ATP8B4: variants seen among roughly 807,000 people sequenced by gnomAD.
ATP8B4 encodes probable phospholipid-transporting ATPase IM.
In ATP8B4, 133 loss-of-function variants were observed where a neutral mutation model predicts 145.6. The ratio of observed to expected loss-of-function variants is 0.91; its 90% CI spans 0.79 to 1.05. ATP8B4 has a LOEUF of 1.05. Ranked by LOEUF, ATP8B4 falls within the 50% of genes least tolerant of loss-of-function variation. The pLI, the probability that ATP8B4 is intolerant of heterozygous loss-of-function variation, is 0.00. For synonymous variants in ATP8B4, 507 were observed against 492.9 expected (o/e 1.03, Z -0.38); for missense variants, 1,458 against 1,425.2 (o/e 1.02, Z -0.37).
intron 1 of ATP8B4, among the ~76,000 whole-genome samples, chr15:50,139,133 C>T (rs965202870): frequency 6.6e-6 from 1 of 152,164 alleles, no homozygotes; most frequent in African/African-American, 2.4e-5. Context: ...AAGACACATG[C>T]ACACGTATGT....
At position 50,002,145 on chromosome 15, in the gene ATP8B4, T is replaced by A. The variant is rs781670982; in HGVS notation, c.506+8A>T. Reference sequence around the variant, plus strand: ...ACCAACCAAATTATTCTAATTTTAATAACTTACCCATCAAGCTCAGCAGTT... The same window carrying A: ...ACCAACCAAATTATTCTAATTTTAAAAACTTACCCATCAAGCTCAGCAGTT... On this transcript the variant is annotated splice_region_variant and intron_variant, in intron 8 of 27. Coordinates refer to ENST00000284509, the MANE Select transcript of ATP8B4 (RefSeq NM_024837.4). The A allele has an allele frequency of 2.5e-6, 4 of 1,595,480 alleles. No homozygotes were observed. Among genetic ancestry groups the A allele is most frequent in the Admixed American group, 3.4e-5 (2 of 59,392 alleles).
intron 1 of ATP8B4, among the ~76,000 whole-genome samples, chr15:50,164,415 A>G (rs1191285961): frequency 2.6e-5 from 4 of 152,288 alleles, no homozygotes; most frequent in African/African-American, 9.6e-5. Flanking sequence ...GAGCATGTCT[A>G]GAAGTGTCAT....
chr15:49,916,880 T>C (rs2039790551), intron 20 of ATP8B4, 54 bp downstream of exon 20: 1 of 1,515,218 alleles, frequency 6.6e-7, no homozygotes, highest in African/African-American at 1.4e-5. Flanking sequence ...TCTGATCTTT[T>C]TTCCCTCCCT....
At chr15:49,959,453 TAA>T (rs1248244123) in intron 14 of ATP8B4, among the ~76,000 whole-genome samples, 1 of 152,038 alleles carries the variant, frequency 6.6e-6, no homozygotes, top group Non-Finnish European at 1.5e-5. Flanking sequence ...TGTATTATTC[TAA>T]GAGTACTAAC....
chr15:50,042,148 C>G (rs2051337921), intron 5 of ATP8B4, among the ~76,000 whole-genome samples: 1 of 136,790 alleles, frequency 7.3e-6, no homozygotes, highest in Admixed American at 7.2e-5. Context: ...GAGTGAGACT[C>G]TGTCTTAAAA....
Position 50,114,103 on chromosome 15 carries a change from C to CTTTTTTTTTTTTTTTTTTTTTTTTTTT in ATP8B4, c.-43+5019_-43+5020insAAAAAAAAAAAAAAAAAAAAAAAAAAA, listed in dbSNP as rs755159123. 2.5e-4 allele frequency among the ~76,000 whole-genome samples: 14 copies of CTTTTTTTTTTTTTTTTTTTTTTTTTTT among 55,644 alleles called. 2 individuals carry two copies. Among genetic ancestry groups the CTTTTTTTTTTTTTTTTTTTTTTTTTTT allele is most frequent in the Admixed American group, 6.8e-4 (2 of 2,956 alleles). The allele number at this position is 55,644 out of a possible 152,430, so 36.5% of individuals were successfully genotyped here. A position where few individuals can be genotyped will look rare whatever the true frequency, so the allele number is the denominator to read the frequency against. ...ATTTTCCTTCTTGGTCTCCTAGTTTCTTTTTTTTTTTTTTTTTTTTTTTTT... is the reference window on the plus strand; with the variant it reads ...ATTTTCCTTCTTGGTCTCCTAGTTTCTTTTTTTTTTTTTTTTTTTTTTTTTTTTTTTTTTTTTTTTTTTTTTTTTTTT... On this transcript the variant is annotated intron_variant, in intron 1 of 27. Coordinates refer to ENST00000284509, the MANE Select transcript of ATP8B4 (RefSeq NM_024837.4).
rs549797669 is a variant in ATP8B4, at chr15:49,979,574, T to C, written c.1034+43A>G. On this transcript the variant is annotated intron_variant, in intron 12 of 27. Transcript: ENST00000284509. The stretch of plus-strand genomic sequence containing the variant: ...AAACAAATAATATTGGAAACAAAGG[T>C]TTTGATGAAATTATTTCATTAAAAT... 3 of 1,355,554 alleles carry C rather than the reference T, an allele frequency of 2.2e-6. 1 individual carries two copies. The highest frequency in any genetic ancestry group is 2.9e-6 in the Non-Finnish European group (3 of 1,019,982). 84.0% of individuals were successfully genotyped at this position (1,355,554 alleles called of 1,614,324 possible).
At chr15:50,072,982 A>C (rs1251326112) in intron 3 of ATP8B4, among the ~76,000 whole-genome samples, 290 of 16,874 alleles carry the variant, frequency 0.017, no homozygotes, top group East Asian at 0.026. Context: ...CTCTCTCTCT[A>C]TATATATATA....
At chr15:50,023,248 C>T (rs1264443288) in intron 6 of ATP8B4, among the ~76,000 whole-genome samples, 2 of 152,142 alleles carry the variant, frequency 1.3e-5, no homozygotes, top group African/African-American at 4.8e-5. Flanking sequence ...CTTCTCTCTT[C>T]TGAATTCCTT....
chr15:50,176,357 G>A (rs2044762829), intron 1 of ATP8B4, among the ~76,000 whole-genome samples: 1 of 151,984 alleles, frequency 6.6e-6, no homozygotes, highest in South Asian at 2.1e-4. Flanking sequence ...AATGGACTTT[G>A]GGGACTTGGG....
At chr15:50,003,823 G>A (rs890711055) in intron 7 of ATP8B4, among the ~76,000 whole-genome samples, 3 of 152,120 alleles carry the variant, frequency 2.0e-5, no homozygotes, top group African/African-American at 7.2e-5. Flanking sequence ...AAGACTGGGT[G>A]GGGCTGCACT....
At chr15:50,029,251 A>AAAAAAAAAAC (rs1555461406) in intron 6 of ATP8B4, among the ~76,000 whole-genome samples, 1 of 150,988 alleles carries the variant, frequency 6.6e-6, no homozygotes, top group East Asian at 1.9e-4. Flanking sequence ...AAAAAAAAAA[A>AAAAAAAAAAC]AAAAAACAGA....
chr15:50,051,327 A>C (rs2052171033), intron 3 of ATP8B4, among the ~76,000 whole-genome samples: 1 of 152,186 alleles, frequency 6.6e-6, no homozygotes, highest in Non-Finnish European at 1.5e-5. Context: ...GAATTAATTA[A>C]ACCTCTTTTC....
intron 3 of ATP8B4, among the ~76,000 whole-genome samples, chr15:50,070,762 A>G (rs1476592021): frequency 6.6e-6 from 1 of 152,008 alleles, no homozygotes; most frequent in Non-Finnish European, 1.5e-5. Context: ...GTTTTTTGAC[A>G]TGGAGTCTCA....
At chr15:49,932,475 C>G (rs867805256) in intron 15 of ATP8B4, among the ~76,000 whole-genome samples, 1 of 151,982 alleles carries the variant, frequency 6.6e-6, no homozygotes, top group African/African-American at 2.4e-5. Context: ...GATCTACCCA[C>G]GAAATAACAT....
chr15:49,863,517 A>AC (rs2153372871), intron 26 of ATP8B4, among the ~76,000 whole-genome samples: 1 of 152,120 alleles, frequency 6.6e-6, no homozygotes, highest in East Asian at 1.9e-4. Flanking sequence ...TTATCATCAT[A>AC]CCCCCAGTTA....
intron 7 of ATP8B4, among the ~76,000 whole-genome samples, chr15:50,006,840 C>T (rs1360479832): frequency 6.6e-6 from 1 of 152,162 alleles, no homozygotes; most frequent in Admixed American, 6.6e-5. Context: ...AAAAGTGAAA[C>T]AACACAAGAG....
intron 13 of ATP8B4, among the ~76,000 whole-genome samples, chr15:49,964,344 A>C (rs892089525): frequency 6.6e-6 from 1 of 152,124 alleles, no homozygotes; most frequent in Admixed American, 6.5e-5. Context: ...GAAAAAAAAA[A>C]CTGTGTCTTT....
In ATP8B4 at chr15:49,865,625, T is replaced by C. The variant is rs114814781; in HGVS notation, c.3166+721A>G. Among the ~76,000 whole-genome samples the C allele has an allele frequency of 7.3e-3, 1,109 of 152,284 alleles. 11 individuals carry two copies. Among genetic ancestry groups the C allele is most frequent in the African/African-American group, 0.026 (1,063 of 41,562 alleles). On this transcript the variant is annotated intron_variant, in intron 26 of 27. Transcript: ENST00000284509. Reference sequence around the variant, plus strand: ...TGAATTGGAGAACATCCAGCTGGGGTCCTCTGCAGAAACACCTCATTGGTT... The same window carrying C: ...TGAATTGGAGAACATCCAGCTGGGGCCCTCTGCAGAAACACCTCATTGGTT...
Sources: allele counts gnomAD v4.1 joint callset (sites outside exome capture counted in the v4.1 genomes callset), GRCh38; gene constraint gnomAD v4.1.1; transcripts MANE v1.5; gene names NCBI Gene and HGNC (gene_info 2026-07-23, HGNC 2026-07-21).